The following NOD1 variants were observed in gnomAD, a reference collection of about 807,000 sequenced individuals.
NOD1 encodes nucleotide binding oligomerization domain containing 1.
NOD1 carries 70 observed loss-of-function variants against 81.2 expected under a neutral mutation model. The observed-to-expected ratio is 0.86, with a 90% CI of 0.71 to 1.05. The LOEUF is 1.05. Among genes scored for constraint, NOD1 ranks in the 50% least tolerant of loss-of-function variants. The pLI, the probability that NOD1 is intolerant of heterozygous loss-of-function variation, is 0.00. For missense variants in NOD1, 1,233 were observed against 1,228.0 expected (o/e 1.00, Z -0.06); for synonymous variants, 508 against 526.9 (o/e 0.96, Z 0.49).
chr7:30,435,893 G>A, intron 11 of NOD1, 105 bp downstream of exon 11: 6 of 901,530 alleles, frequency 6.7e-6, no homozygotes, highest in Non-Finnish European at 1.1e-5. Flanking sequence ...GGGAGGTGGA[G>A]GCTGCAGTGA....
chr7:30,451,893 AC>A lies in NOD1; in HGVS notation c.1523del (p.Gly508ValfsTer106), dbSNP rs1210143813. The A allele has an allele frequency of 5.0e-6, 8 of 1,613,126 alleles. No individual in the cohort carries two copies. The highest frequency in any genetic ancestry group is 6.8e-6 in the Non-Finnish European group (8 of 1,179,916). On this transcript the variant is annotated frameshift_variant, in exon 6 of 14. Coordinates refer to ENST00000222823, the MANE Select transcript of NOD1 (RefSeq NM_006092.4). LOFTEE classifies it high-confidence loss of function. The surrounding 1 kb of genome is among the most constrained non-coding windows in gnomAD (Gnocchi z 4.2). ...LRALPELGPG[G>X]DQQSYEFFHL... ...GGAAAAACTCATAGGACTGCTGGTCACCCCCGGGGCCCAGCTCCGGCAAAGC... is the reference window on the plus strand; with the variant it reads ...GGAAAAACTCATAGGACTGCTGGTCACCCCGGGGCCCAGCTCCGGCAAAGC...
At chr7:30,469,168 T>G (rs17159124) in intron 1 of NOD1, 2 of 985,352 alleles carry the variant, frequency 2.0e-6, no homozygotes, top group African/African-American at 3.5e-5. Flanking sequence ...GAACTTAACC[T>G]GGAAAACAAG....
chr7:30,438,844 G>C (rs1583691686), intron 9 of NOD1, among the ~76,000 whole-genome samples: 1 of 152,174 alleles, frequency 6.6e-6, no homozygotes, highest in South Asian at 2.1e-4. Context: ...GTTGTACAAA[G>C]AGAGAGAAGG....
chr7:30,455,750 C>T (rs1017481823), intron 4 of NOD1, among the ~76,000 whole-genome samples: 2 of 152,116 alleles, frequency 1.3e-5, no homozygotes, highest in African/African-American at 2.4e-5. Context: ...TACAGGCACC[C>T]ACCACCATGC....
intron 1 of NOD1, among the ~76,000 whole-genome samples, chr7:30,476,350 A>G (rs79507500): frequency 0.027 from 4,124 of 152,268 alleles, 198 homozygotes; most frequent in African/African-American, 0.095. Flanking sequence ...TGCTGTTAGG[A>G]TCAAAGTGAC....
intron 1 of NOD1, among the ~76,000 whole-genome samples, chr7:30,471,671 A>T (rs914861471): frequency 1.3e-5 from 2 of 152,182 alleles, no homozygotes; most frequent in Non-Finnish European, 2.9e-5. Flanking sequence ...TAGCGTGAAA[A>T]ACTGACAGCC....
chr7:30,453,095 A>C (rs1171532000), intron 5 of NOD1, 55 bp from the exon 6 acceptor site: 1 of 1,539,312 alleles, frequency 6.5e-7, no homozygotes, highest in Non-Finnish European at 8.8e-7. Context: ...AGGCAGAAAC[A>C]GCATCAAACA....
At chr7:30,455,081 C>A in intron 5 of NOD1, 56 bp downstream of exon 5, 1 of 1,550,812 alleles carries the variant, frequency 6.4e-7, no homozygotes, top group Non-Finnish European at 8.8e-7. Context: ...CATTACCAAA[C>A]CCCCCAGGGC....
At chr7:30,473,258 A>G (rs957808417) in intron 1 of NOD1, among the ~76,000 whole-genome samples, 1 of 152,220 alleles carries the variant, frequency 6.6e-6, no homozygotes, top group African/African-American at 2.4e-5. Context: ...GGCCAAAGCC[A>G]CTGGGGTAAA....
chr7:30,454,856 T>C (rs2128062815), intron 5 of NOD1, among the ~76,000 whole-genome samples: 1 of 152,304 alleles, frequency 6.6e-6, no homozygotes, highest in East Asian at 1.9e-4. Flanking sequence ...CATTAAAATG[T>C]CTACATATGT....
chr7:30,434,612 G>C (rs189779757), intron 11 of NOD1, among the ~76,000 whole-genome samples: 2 of 152,310 alleles, frequency 1.3e-5, no homozygotes, highest in East Asian at 1.9e-4. Context: ...GGCTAGAAAG[G>C]AAAGGTTATT....
chr7:30,433,319 G>T, intron 11 of NOD1, 140 bp from the exon 12 acceptor site: 2 of 640,810 alleles, frequency 3.1e-6, no homozygotes, highest in East Asian at 2.7e-5. Context: ...AAACAGCCAG[G>T]CTCCAAGCCC....
chr7:30,476,582 A>C lies in NOD1; in HGVS notation c.-352+2024T>G, dbSNP rs367549841. Among the ~76,000 whole-genome samples the C allele has an allele frequency of 1.2e-3, 180 of 152,360 alleles. 4 individuals carry two copies. The South Asian group carries it at 0.036, about 31-fold the overall frequency. On this transcript the variant is annotated intron_variant, in intron 1 of 13. Coordinates refer to ENST00000222823, the MANE Select transcript of NOD1 (RefSeq NM_006092.4). ...GGGAGCAACGTGCGTGTGTGTGCAC[A>C]TACACTAATTCTGAGACACTGTGCA... is the stretch of plus-strand genomic sequence containing the variant.
chr7:30,473,826 G>A (rs1028303122), intron 1 of NOD1, among the ~76,000 whole-genome samples: 1 of 152,146 alleles, frequency 6.6e-6, no homozygotes, highest in Admixed American at 6.5e-5. Context: ...TAAGAACAGG[G>A]ACTCTGCTTC....
At chr7:30,462,076 G>C (rs1038946599) in intron 1 of NOD1, among the ~76,000 whole-genome samples, 3 of 152,118 alleles carry the variant, frequency 2.0e-5, no homozygotes, top group African/African-American at 7.2e-5. Flanking sequence ...CAGTTTCATC[G>C]GCAACTCAGT....
chr7:30,428,011 G>A (rs576391902), intron 13 of NOD1, among the ~76,000 whole-genome samples: 13 of 152,346 alleles, frequency 8.5e-5, no homozygotes, highest in East Asian at 5.8e-4. Context: ...GCTGGGCTTC[G>A]CAGGCACACA....
At position 30,451,736 on chromosome 7, in the gene NOD1, G is replaced by T. The variant is rs748264095; in HGVS notation, c.1681C>A (p.Pro561Thr). 1 of 1,613,880 alleles carries T rather than the reference G, an allele frequency of 6.2e-7. No individual in the cohort carries two copies. The highest frequency in any genetic ancestry group is 1.7e-5 in the Admixed American group (1 of 60,032). ...AGAATTSCYP[P>T]FLPFQCLQGS... ...TGCAGGCACTGGAACGGGAGGAAGG[G>T]AGGATAGCAGGACGTGGTCGCTGCC... The change falls in exon 6 of 14, where the codon CCC (proline) becomes ACC (threonine). Residue 561 changes from proline (P) to threonine (T), a missense_variant. Physicochemically the swap from Pro to Thr is conservative, Grantham distance 38 (BLOSUM62 -1). Transcript: ENST00000222823. This position sits in a 1 kb window ranked among gnomAD's most constrained non-coding sequence, Gnocchi z 4.2.
chr7:30,455,112 C>A, intron 5 of NOD1, 25 bp downstream of exon 5: 1 of 1,607,942 alleles, frequency 6.2e-7, no homozygotes, highest in Non-Finnish European at 8.5e-7. Flanking sequence ...CTGGTGCCTG[C>A]GGTCTTGCTG....
At chr7:30,464,294 T>G (rs1787458502) in intron 1 of NOD1, among the ~76,000 whole-genome samples, 1 of 152,186 alleles carries the variant, frequency 6.6e-6, no homozygotes, top group Non-Finnish European at 1.5e-5. Context: ...GCGAGGCACA[T>G]GACAGTGCTC....
Sources: gnomAD v4.1 joint callset for allele counts (sites outside exome capture counted in the v4.1 genomes callset) on GRCh38, gnomAD v4.1.1 for gene constraint, Gnocchi (gnomAD v3.1) non-coding constraint, MANE v1.5 for transcripts, NCBI Gene and HGNC (gene_info 2026-07-23, HGNC 2026-07-21) for gene names.